Variants in ADGB observed in about 807,000 individuals in gnomAD.
ADGB encodes androglobin, also known as calpain-7-like protein.
Under a neutral mutation model 210.5 loss-of-function variants are expected in ADGB, and 172 were observed. The ratio of observed to expected loss-of-function variants is 0.82; its 90% CI spans 0.72 to 0.93. ADGB has a LOEUF of 0.93. ADGB is among the 40% of genes least tolerant of loss of function. The pLI, the probability that ADGB is intolerant of heterozygous loss-of-function variation, is 0.00. For synonymous variants in ADGB, 658 were observed against 662.7 expected (o/e 0.99, Z 0.11); for missense variants, 2,025 against 1,964.8 (o/e 1.03, Z -0.58).
At chr6:146,803,009 T>G (rs1249822882) in intron 35 of ADGB, 12 of 1,607,432 alleles carry the variant, frequency 7.5e-6, no homozygotes, top group African/African-American at 5.3e-5. Context: ...CTATAACATA[T>G]TCTTCAAATT....
At chr6:146,675,208 CT>C (rs200752268) in intron 8 of ADGB, among the ~76,000 whole-genome samples, 1,615 of 152,178 alleles carry the variant, frequency 0.011, 19 homozygotes, top group Non-Finnish European at 0.016. Flanking sequence ...ATTCCCAGCA[CT>C]TTAAGAGGCT....
At chr6:146,794,601 A>C (rs1778012233) in intron 33 of ADGB, among the ~76,000 whole-genome samples, 4 of 152,298 alleles carry the variant, frequency 2.6e-5, no homozygotes, top group African/African-American at 7.2e-5. Flanking sequence ...GGCCTATTAC[A>C]ACCACATTTA....
chr6:146,699,353 G>A (rs377321791), intron 12 of ADGB, among the ~76,000 whole-genome samples: 1 of 152,140 alleles, frequency 6.6e-6, no homozygotes, highest in African/African-American at 2.4e-5. Context: ...AATCCAGGGA[G>A]TTGTTGGTGC....
In ADGB at chr6:146,668,419, T is replaced by C. The variant is rs1418655250; in HGVS notation, c.839+1517T>C. ...AAACTTGGGTGTTGCTTTGTTCACA[T>C]AAAAGTATTTTCAGGGAGAAAAAAC... On this transcript the variant is annotated intron_variant, in intron 7 of 35. Transcript: ENST00000397944. Among the ~76,000 whole-genome samples, 33 of 152,086 alleles carry C rather than the reference T, an allele frequency of 2.2e-4. 1 individual carries two copies. The highest frequency in any genetic ancestry group is 2.2e-3 in the Admixed American group (33 of 15,228).
chr6:146,632,249 A>C (rs1781076416), intron 1 of ADGB, among the ~76,000 whole-genome samples: 1 of 152,164 alleles, frequency 6.6e-6, no homozygotes, highest in Non-Finnish European at 1.5e-5. Flanking sequence ...AGCTTCTGGA[A>C]CTTGACCACA....
chr6:146,805,152 A>T (rs991115106), intron 35 of ADGB, among the ~76,000 whole-genome samples: 1 of 152,192 alleles, frequency 6.6e-6, no homozygotes, highest in Non-Finnish European at 1.5e-5. Flanking sequence ...TACCATGATT[A>T]TTACAACAGG....
intron 27 of ADGB, among the ~76,000 whole-genome samples, chr6:146,757,195 G>A (rs919355570): frequency 1.3e-5 from 2 of 151,746 alleles, no homozygotes; most frequent in African/African-American, 2.4e-5. Flanking sequence ...TTCCCCATTT[G>A]ATTTATAGTT....
In ADGB at chr6:146,676,337, G is replaced by C. The variant is rs918539590; in HGVS notation, c.1112G>C (p.Gly371Ala). The change falls in exon 9 of 36, where the codon GGA (glycine) becomes GCA (alanine). Residue 371 changes from glycine to alanine, a missense_variant. Transcript: ENST00000397944. Reference sequence around the variant, plus strand: ...GAGAAAGCAGATGCAAGAGACATTGGAAAGAAGAGAAGCAAAGATGGAGAA... The same window carrying C: ...GAGAAAGCAGATGCAAGAGACATTGCAAAGAAGAGAAGCAAAGATGGAGAA... ...PKEKADARDI[G>A]KKRSKDGEKE... 1.9e-6 allele frequency: 3 copies of C among 1,548,634 alleles called. No individual in the cohort carries two copies. In the African/African-American group the frequency reaches 4.1e-5, roughly 21 times the overall value.
intron 6 of ADGB, among the ~76,000 whole-genome samples, chr6:146,665,291 CA>C (rs1399268794): frequency 7.2e-5 from 11 of 151,992 alleles, no homozygotes. Flanking sequence ...CCCAAGGCTA[CA>C]AAACAAAAAC....
At chr6:146,769,271 T>A (rs963057175) in intron 29 of ADGB, 140 bp downstream of exon 29, 22 of 468,542 alleles carry the variant, frequency 4.7e-5, no homozygotes, top group Non-Finnish European at 8.1e-5. Flanking sequence ...CTCTATATCC[T>A]GTTACATTTC....
At chr6:146,643,083 A>C (rs1047933370) in intron 2 of ADGB, among the ~76,000 whole-genome samples, 2 of 151,846 alleles carry the variant, frequency 1.3e-5, no homozygotes, top group Admixed American at 1.3e-4. Context: ...AGGAGGGGAA[A>C]ATGATGTGGG....
rs1775744926 is a variant in ADGB, at chr6:146,654,212, T to C, written c.402+6T>C. On this transcript the variant is annotated splice_donor_region_variant and intron_variant, in intron 4 of 35. Transcript: ENST00000397944. ...AACATTTACTCTGCAGCGAGGTATG[T>C]ACAGAAATATGAACTAAAGTCTCAC... is the stretch of plus-strand genomic sequence containing the variant. 1 of 1,534,074 alleles carries C rather than the reference T, an allele frequency of 6.5e-7. No homozygotes were observed. Among genetic ancestry groups the C allele is most frequent in the Non-Finnish European group, 8.8e-7 (1 of 1,133,784 alleles).
At chr6:146,639,999 A>T (rs571093786) in intron 2 of ADGB, among the ~76,000 whole-genome samples, 4 of 152,016 alleles carry the variant, frequency 2.6e-5, no homozygotes, top group African/African-American at 9.6e-5. Flanking sequence ...AAAATTAATA[A>T]AATAGGCCAC....
intron 25 of ADGB, among the ~76,000 whole-genome samples, chr6:146,745,053 T>C (rs1777209417): frequency 6.6e-6 from 1 of 152,208 alleles, no homozygotes; most frequent in African/African-American, 2.4e-5. Context: ...GTTGCAATTC[T>C]CATCTCATTA....
At chr6:146,737,739 A>G (rs918970626) in intron 23 of ADGB, among the ~76,000 whole-genome samples, 8 of 152,190 alleles carry the variant, frequency 5.3e-5, no homozygotes, top group Non-Finnish European at 1.2e-4. Flanking sequence ...TTTCATGAAA[A>G]TGATGTGCTA....
chr6:146,728,147 A>AT (rs1008474028), intron 19 of ADGB, among the ~76,000 whole-genome samples: 5 of 151,910 alleles, frequency 3.3e-5, no homozygotes, highest in South Asian at 2.1e-4. Context: ...TTGCTTTATG[A>AT]TTTTTTTTAA....
At chr6:146,790,909 T>C (rs958760281) in intron 33 of ADGB, among the ~76,000 whole-genome samples, 1 of 152,200 alleles carries the variant, frequency 6.6e-6, no homozygotes, top group Non-Finnish European at 1.5e-5. Flanking sequence ...TAGTATCTCA[T>C]TGTGGTTTTA....
At chr6:146,622,794 G>T (rs1780915353) in intron 1 of ADGB, among the ~76,000 whole-genome samples, 1 of 151,730 alleles carries the variant, frequency 6.6e-6, no homozygotes. Context: ...AGATATCTTT[G>T]GCATATCTTA....
intron 23 of ADGB, among the ~76,000 whole-genome samples, chr6:146,737,848 C>G (rs1009405080): frequency 2.6e-5 from 4 of 152,196 alleles, no homozygotes; most frequent in African/African-American, 4.8e-5. Context: ...TCCATGTGAT[C>G]TTTCCACTAC....
Sources: gnomAD v4.1 joint callset for allele counts (sites outside exome capture counted in the v4.1 genomes callset) on GRCh38, gnomAD v4.1.1 for gene constraint, MANE v1.5 for transcripts, NCBI Gene and HGNC (gene_info 2026-07-23, HGNC 2026-07-21) for gene names.